ANXA4: variants seen among roughly 807,000 people sequenced by gnomAD.
ANXA4 encodes 35-beta calcimedin.
Under a neutral mutation model 49.8 loss-of-function variants are expected in ANXA4, and 39 were observed. The ratio of observed to expected loss-of-function variants is 0.78; its 90% CI spans 0.61 to 1.02. The LOEUF (loss-of-function observed/expected upper bound fraction) is 1.02, where lower values mean the gene tolerates loss of function less well. Among genes scored for constraint, ANXA4 ranks in the 50% least tolerant of loss-of-function variants. The probability of loss-of-function intolerance (pLI) is 0.00; values close to 1 mark genes in which losing one functional copy is unlikely to be tolerated. For missense variants in ANXA4, 360 were observed against 410.1 expected, an observed-to-expected ratio of 0.88 and a Z score of 1.05; for synonymous variants, 134 against 152.5, an observed-to-expected ratio of 0.88 and a Z score of 0.89.
At chr2:69,708,080 C>A (rs1436482384) in intron 2 of ANXA4, among the ~76,000 whole-genome samples, 2 of 152,206 alleles carry the variant, frequency 1.3e-5, no homozygotes, top group African/African-American at 2.4e-5. Flanking sequence ...TATTCCACTG[C>A]AGAAAAGAGG....
At chr2:69,807,831 A>G in intron 5 of ANXA4, 75 bp from the exon 6 acceptor site, 1 of 1,212,490 alleles carries the variant, frequency 8.2e-7, no homozygotes, top group South Asian at 1.2e-5. Context: ...TTCATGACAG[A>G]TGTATTCCTT....
chr2:69,793,703 C>T (rs1281742115), intron 3 of ANXA4, among the ~76,000 whole-genome samples: 1 of 152,052 alleles, frequency 6.6e-6, no homozygotes, highest in African/African-American at 2.4e-5. Flanking sequence ...ATTTATTCAC[C>T]TTTAATTCCA....
intron 2 of ANXA4, among the ~76,000 whole-genome samples, chr2:69,672,424 GT>G (rs749428931): frequency 1.8e-4 from 28 of 152,096 alleles, no homozygotes; most frequent in South Asian, 4.2e-4. Flanking sequence ...TAGAGATGGG[GT>G]TTTGCCATGT....
At chr2:69,658,780 C>T (rs1335274635) in intron 2 of ANXA4, among the ~76,000 whole-genome samples, 8 of 152,082 alleles carry the variant, frequency 5.3e-5, no homozygotes, top group Non-Finnish European at 2.9e-5. Flanking sequence ...CTGCAACCTC[C>T]GCCTCCCTGG....
intron 1 of ANXA4, among the ~76,000 whole-genome samples, chr2:69,752,983 T>A (rs1027308632): frequency 6.6e-6 from 1 of 152,228 alleles, no homozygotes; most frequent in African/African-American, 2.4e-5. Context: ...TCTTTCCCTA[T>A]TGAAATCCCA....
intron 1 of ANXA4, among the ~76,000 whole-genome samples, chr2:69,763,652 G>A (rs1386746118): frequency 6.6e-6 from 1 of 151,170 alleles, no homozygotes; most frequent in Non-Finnish European, 1.5e-5. Flanking sequence ...AGTGACCACA[G>A]GACATAATAC....
At chr2:69,708,485 C>A (rs183113805) in intron 2 of ANXA4, among the ~76,000 whole-genome samples, 33 of 152,078 alleles carry the variant, frequency 2.2e-4, no homozygotes, top group Non-Finnish European at 2.9e-5. Flanking sequence ...ATCCCGGCTA[C>A]TCGGGAGGCT....
intron 2 of ANXA4, among the ~76,000 whole-genome samples, chr2:69,676,156 A>C (rs997963312): frequency 2.0e-5 from 3 of 152,102 alleles, no homozygotes; most frequent in African/African-American, 7.2e-5. Context: ...GTCATTTTGA[A>C]ATGTGAAAAA....
At chr2:69,757,267 T>TATATATATATATATATATATATATA (rs1491352039) in intron 1 of ANXA4, among the ~76,000 whole-genome samples, 1 of 20,536 alleles carries the variant, frequency 4.9e-5, no homozygotes, top group African/African-American at 2.6e-4. Flanking sequence ...TATATATATA[T>TATATATATATATATATATATATATA]TTTTTTTTTT....
At chr2:69,823,800 AC>A in intron 12 of ANXA4, among the ~76,000 whole-genome samples, 1 of 152,344 alleles carries the variant, frequency 6.6e-6, no homozygotes, top group East Asian at 1.9e-4. Flanking sequence ...ATGCTTTGGC[AC>A]ATCAATGAGG....
chr2:69,688,173 G>A (rs558398433), intron 2 of ANXA4, among the ~76,000 whole-genome samples: 13 of 152,254 alleles, frequency 8.5e-5, no homozygotes, highest in Non-Finnish European at 1.3e-4. Context: ...TGAAGGTGCC[G>A]TGTTATTTGT....
chr2:69,770,550 C>G (rs1198853948), intron 1 of ANXA4, among the ~76,000 whole-genome samples: 1 of 152,110 alleles, frequency 6.6e-6, no homozygotes, highest in African/African-American at 2.4e-5. Context: ...GGATGTGGGT[C>G]AATGTTAGGA....
Position 69,804,586 on chromosome 2 carries a change from C to T in ANXA4, c.151C>T (p.Arg51Cys), listed in dbSNP as rs775279837. 5 of 1,613,784 alleles carry T rather than the reference C, an allele frequency of 3.1e-6. No individual in the cohort carries two copies. Among genetic ancestry groups the T allele is most frequent in the East Asian group, 2.2e-5 (1 of 44,862 alleles). ...SVLAYRNTAQ[R>C]QEIRTAYKST... The stretch of plus-strand genomic sequence containing the variant: ...CCTTGCCTACCGCAACACCGCCCAG[C>T]GCCAGGAGATCAGGACAGCCTACAA... Residue 51 changes from arginine to cysteine, a missense_variant, in exon 4 of 13, where the codon CGC (arginine) becomes TGC (cysteine). Transcript: ENST00000394295.
At chr2:69,645,449 A>G (rs1675971816) in intron 1 of ANXA4, among the ~76,000 whole-genome samples, 2 of 152,228 alleles carry the variant, frequency 1.3e-5, no homozygotes, top group Admixed American at 1.3e-4. Context: ...AAAATAGATG[A>G]GAAAGCTCAT....
chr2:69,800,411 G>A (rs1673141585), intron 3 of ANXA4, among the ~76,000 whole-genome samples: 1 of 152,140 alleles, frequency 6.6e-6, no homozygotes, highest in African/African-American at 2.4e-5. Flanking sequence ...TGTTATGTGT[G>A]GGCCAATGCA....
chr2:69,764,364 T>C (rs532121820), intron 1 of ANXA4, among the ~76,000 whole-genome samples: 6 of 152,334 alleles, frequency 3.9e-5, no homozygotes, highest in African/African-American at 1.4e-4. Flanking sequence ...GGAAACATGA[T>C]ATAACCCTAA....
At chr2:69,650,450 T>G (rs1360274947) in intron 1 of ANXA4, among the ~76,000 whole-genome samples, 1 of 152,152 alleles carries the variant, frequency 6.6e-6, no homozygotes, top group Non-Finnish European at 1.5e-5. Flanking sequence ...ACTCCTTGCC[T>G]TCAAGGAGCT....
intron 12 of ANXA4, among the ~76,000 whole-genome samples, chr2:69,821,697 C>T (rs1201268112): frequency 6.6e-6 from 1 of 152,094 alleles, no homozygotes; most frequent in Non-Finnish European, 1.5e-5. Flanking sequence ...AGTGATCCAC[C>T]CGTCTCGGCC....
rs528725543 is a variant in ANXA4, at chr2:69,647,489, A to G, written n.481+2584A>G. On this transcript the variant is annotated intron_variant and non_coding_transcript_variant, in intron 1 of 3. Coordinates refer to the ANXA4 transcript ENST00000418066. ...AGTGGCGTGATCTCGTCTCACTGCA[A>G]CCTCTGCCTCCCAGGCTCCAGCGAT... is the stretch of plus-strand genomic sequence containing the variant. Among the ~76,000 whole-genome samples, 3 of 151,666 alleles carry G rather than the reference A, an allele frequency of 2.0e-5. No individual in the cohort carries two copies. The South Asian group carries it at 6.2e-4, about 32-fold the overall frequency.
Sources: gnomAD v4.1 joint callset for allele counts (sites outside exome capture counted in the v4.1 genomes callset) on GRCh38, gnomAD v4.1.1 for gene constraint, MANE v1.5 for transcripts, NCBI Gene and HGNC (gene_info 2026-07-23, HGNC 2026-07-21) for gene names.